Variants in LDLRAD3 observed in about 807,000 individuals in gnomAD.
LDLRAD3 encodes low density lipoprotein receptor class A domain containing 3, also known as low-density lipoprotein receptor class A domain-containing protein 3.
In LDLRAD3, 20 loss-of-function variants were observed where a neutral mutation model predicts 29.4. The ratio of observed to expected loss-of-function variants is 0.68; its 90% CI spans 0.48 to 0.99. The LOEUF is 0.99. LDLRAD3 is among the 50% of genes least tolerant of loss of function. The pLI is 0.00. For missense variants in LDLRAD3, 420 were observed against 454.3 expected (o/e 0.92, Z 0.69); for synonymous variants, 157 against 192.7 (o/e 0.81, Z 1.53).
intron 4 of LDLRAD3, among the ~76,000 whole-genome samples, chr11:36,217,823 C>G (rs1250481246): frequency 6.6e-6 from 1 of 152,196 alleles, no homozygotes; most frequent in East Asian, 1.9e-4. Flanking sequence ...CTGCCTTCAA[C>G]TTCGCATGGC....
intron 4 of LDLRAD3, among the ~76,000 whole-genome samples, chr11:36,203,227 A>G (rs571815661): frequency 6.6e-6 from 1 of 152,218 alleles, no homozygotes; most frequent in Admixed American, 6.5e-5. Context: ...CTCAGCCTCC[A>G]AAAGTGCTGA....
chr11:36,080,751 G>A (rs189532849), intron 2 of LDLRAD3, among the ~76,000 whole-genome samples: 2 of 152,110 alleles, frequency 1.3e-5, no homozygotes, highest in African/African-American at 2.4e-5. Context: ...GGTAAAAGAC[G>A]AATGGAATAA....
chr11:35,960,681 C>G (rs549563408), intron 1 of LDLRAD3, among the ~76,000 whole-genome samples: 12 of 152,154 alleles, frequency 7.9e-5, no homozygotes, highest in Non-Finnish European at 1.6e-4. Context: ...ACTGCAACCC[C>G]CCGCCTGTTG....
At chr11:36,020,099 A>C (rs917665144) in intron 1 of LDLRAD3, among the ~76,000 whole-genome samples, 1 of 152,156 alleles carries the variant, frequency 6.6e-6, no homozygotes, top group Non-Finnish European at 1.5e-5. Context: ...TCTGGAGGCA[A>C]GCTTTTACCT....
At chr11:36,060,241 C>T (rs1244440148) in intron 2 of LDLRAD3, among the ~76,000 whole-genome samples, 1 of 151,524 alleles carries the variant, frequency 6.6e-6, no homozygotes, top group Non-Finnish European at 1.5e-5. Context: ...GTAATCCCAG[C>T]TACTCGGGAG....
At chr11:36,013,674 A>G (rs754984390) in intron 1 of LDLRAD3, among the ~76,000 whole-genome samples, 78 of 152,100 alleles carry the variant, frequency 5.1e-4, no homozygotes, top group Admixed American at 1.1e-3. Context: ...TCCATGGTAT[A>G]TATGTGCCAT....
chr11:36,052,594 G>A (rs1852544694), intron 2 of LDLRAD3, among the ~76,000 whole-genome samples: 1 of 152,116 alleles, frequency 6.6e-6, no homozygotes, highest in African/African-American at 2.4e-5. Flanking sequence ...AGGCCAACAT[G>A]GGTTTGTCCT....
At chr11:36,017,078 C>G (rs1852032685) in intron 1 of LDLRAD3, among the ~76,000 whole-genome samples, 1 of 152,234 alleles carries the variant, frequency 6.6e-6, no homozygotes, top group Non-Finnish European at 1.5e-5. Flanking sequence ...TTAACCATGT[C>G]AATGTGTTTT....
chr11:36,016,862 C>A (rs1254974487), intron 1 of LDLRAD3, among the ~76,000 whole-genome samples: 1 of 152,172 alleles, frequency 6.6e-6, no homozygotes, highest in Non-Finnish European at 1.5e-5. Flanking sequence ...CGTTCTAACT[C>A]CTGAATTCTT....
intron 4 of LDLRAD3, among the ~76,000 whole-genome samples, chr11:36,189,869 A>G (rs1201090799): frequency 6.6e-6 from 1 of 152,026 alleles, no homozygotes; most frequent in Non-Finnish European, 1.5e-5. Context: ...GAGAATGATG[A>G]CTTCCAGCTT....
chr11:36,214,295 G>A (rs972895372), intron 4 of LDLRAD3, among the ~76,000 whole-genome samples: 8 of 152,204 alleles, frequency 5.3e-5, no homozygotes, highest in Admixed American at 6.5e-5. Context: ...AGTGGGGGCA[G>A]ACCCAGGTCC....
chr11:36,102,007 G>T (rs1028886128), intron 4 of LDLRAD3: 8 of 202,432 alleles, frequency 4.0e-5, no homozygotes, highest in African/African-American at 1.9e-4. Flanking sequence ...TCCTGCCTCA[G>T]CCTCCCGAGT....
Position 36,209,442 on chromosome 11 carries a change from C to A in LDLRAD3, c.455-17643C>A, listed in dbSNP as rs1016236768. 3.5e-5 allele frequency among the ~76,000 whole-genome samples: 5 copies of A among 144,306 alleles called. No individual in the cohort carries two copies. The East Asian group carries it at 1.0e-3, about 30-fold the overall frequency. The allele number at this position is 144,306 out of a possible 152,430, so 94.7% of individuals were successfully genotyped here. ...TGGTGTGATCTCGGCTCACTGCAAC[C>A]TTCGCCTCCCGGGTTCAAGCAATTC... On this transcript the variant is annotated intron_variant, in intron 4 of 5. Transcript: ENST00000315571.
chr11:36,024,303 CTA>C (rs1213236320), intron 1 of LDLRAD3, among the ~76,000 whole-genome samples: 1 of 151,286 alleles, frequency 6.6e-6, no homozygotes, highest in African/African-American at 2.4e-5. Context: ...CACATTTTAC[CTA>C]TATATATGTT....
intron 1 of LDLRAD3, chr11:35,967,830 A>G: frequency 2.3e-6 from 1 of 429,154 alleles, no homozygotes. Flanking sequence ...CTGCCATTGC[A>G]GTATCCATTC....
intron 4 of LDLRAD3, among the ~76,000 whole-genome samples, chr11:36,103,532 C>T (rs11033426): frequency 0.013 from 1,912 of 152,338 alleles, 22 homozygotes; most frequent in Non-Finnish European, 0.021. Context: ...AGCCACCGTG[C>T]CTGGCCCAGT....
At chr11:35,992,338 T>G (rs1208183479) in intron 1 of LDLRAD3, among the ~76,000 whole-genome samples, 1 of 152,212 alleles carries the variant, frequency 6.6e-6, no homozygotes, top group Non-Finnish European at 1.5e-5. Flanking sequence ...GCCATCAAAC[T>G]TTGTTGACAG....
chr11:36,226,876 T>A (rs1267464858), intron 4 of LDLRAD3, among the ~76,000 whole-genome samples: 1 of 152,268 alleles, frequency 6.6e-6, no homozygotes, highest in Non-Finnish European at 1.5e-5. Context: ...TAACTTTTTA[T>A]GGCTGAATAA....
At chr11:36,157,876 C>T (rs951225195) in intron 4 of LDLRAD3, among the ~76,000 whole-genome samples, 13 of 152,052 alleles carry the variant, frequency 8.5e-5, no homozygotes, top group Admixed American at 6.5e-5. Flanking sequence ...TAGATGCTTC[C>T]AGGTTCTGGG....
Sources: allele counts gnomAD v4.1 joint callset (sites outside exome capture counted in the v4.1 genomes callset), GRCh38; gene constraint gnomAD v4.1.1; transcripts MANE v1.5; gene names NCBI Gene and HGNC (gene_info 2026-07-23, HGNC 2026-07-21).